The following PCCB variants were observed in gnomAD, a reference collection of about 807,000 sequenced individuals.
The protein encoded by PCCB is propionyl-CoA carboxylase subunit beta, also known as propionyl-CoA carboxylase beta chain, mitochondrial.
In PCCB, 43 loss-of-function variants were observed where a neutral mutation model predicts 60.7. That is an observed-to-expected ratio of 0.71 (90% CI 0.55 to 0.91). PCCB has a LOEUF of 0.91. Among genes scored for constraint, PCCB ranks in the 40% least tolerant of loss-of-function variants. PCCB has a pLI of 0.00. For synonymous variants in PCCB, 276 were observed against 255.9 expected (o/e 1.08, Z -0.75); for missense variants, 766 against 702.8 (o/e 1.09, Z -1.02).
intron 12 of PCCB, 134 bp downstream of exon 12, chr3:136,327,389 G>A: frequency 1.3e-6 from 1 of 773,690 alleles, no homozygotes; most frequent in East Asian, 2.6e-5. Flanking sequence ...TCTTGAGGAT[G>A]TTGTTCCCAG....
chr3:136,290,949 C>T (rs1933660514), intron 6 of PCCB, among the ~76,000 whole-genome samples: 1 of 151,662 alleles, frequency 6.6e-6, no homozygotes, highest in African/African-American at 2.4e-5. Context: ...CTTGAGATAT[C>T]CTCAAGCTCA....
intron 5 of PCCB, among the ~76,000 whole-genome samples, chr3:136,282,140 C>T (rs1170196307): frequency 6.6e-6 from 1 of 152,140 alleles, no homozygotes; most frequent in Non-Finnish European, 1.5e-5. Flanking sequence ...CCCAATCTGG[C>T]ACCAACTAGC....
In PCCB at chr3:136,317,057, G is replaced by A. The variant is rs1444326476; in HGVS notation, c.1083G>A (p.Val361=). Residue 361 remains valine, a synonymous_variant, in exon 10 of 15, where the codon GTG becomes GTA. Transcript: ENST00000251654. ...GAATTGTTGGCAACCAACCTAAGGT[G>A]GCCTCAGGTAGGATGGAGCTCTTAT... The part of the protein sequence containing the change: ...TVGIVGNQPK[V]ASGCLDINSS... The A allele has an allele frequency of 1.2e-6, 2 of 1,614,004 alleles. No homozygotes were observed. The highest frequency in any genetic ancestry group is 2.2e-5 in the South Asian group (2 of 91,080).
At chr3:136,275,182 G>A (rs1005113352) in intron 5 of PCCB, among the ~76,000 whole-genome samples, 12 of 152,068 alleles carry the variant, frequency 7.9e-5, no homozygotes, top group Non-Finnish European at 1.3e-4. Context: ...TTGTCTTGGA[G>A]CTCTGAAATT....
intron 6 of PCCB, among the ~76,000 whole-genome samples, chr3:136,287,839 C>T (rs1250337687): frequency 6.6e-6 from 1 of 152,108 alleles, no homozygotes; most frequent in Non-Finnish European, 1.5e-5. Context: ...AAACATTTTT[C>T]TATATGTGTC....
chr3:136,258,203 C>T (rs1350631586), intron 3 of PCCB, among the ~76,000 whole-genome samples: 6 of 152,144 alleles, frequency 3.9e-5, no homozygotes, highest in Admixed American at 3.9e-4. Flanking sequence ...TGGAAGAATT[C>T]ACTGAATTGA....
chr3:136,293,122 C>A (rs549490434), intron 6 of PCCB, among the ~76,000 whole-genome samples: 2 of 152,186 alleles, frequency 1.3e-5, no homozygotes, highest in African/African-American at 4.8e-5. Context: ...CCGCCTCACT[C>A]TCCTGAATAG....
At chr3:136,299,430 G>C (rs1386415340) in intron 8 of PCCB, among the ~76,000 whole-genome samples, 1 of 151,806 alleles carries the variant, frequency 6.6e-6, no homozygotes, top group Non-Finnish European at 1.5e-5. Context: ...GTATATGTAT[G>C]CTTATGTATA....
rs754752068 is a variant in PCCB, at chr3:136,262,006, G to T, written c.484G>T (p.Gly162Trp). Residue 162 changes from glycine (G) to tryptophan (W), a missense_variant, in exon 5 of 15, where the codon GGG (glycine) becomes TGG (tryptophan). Transcript: ENST00000251654. Reference sequence around the variant, plus strand: ...TCCAGTGATTGGGCTGAATGACTCTGGGGGAGCACGGATCCAAGAAGGAGT... The same window carrying T: ...TCCAGTGATTGGGCTGAATGACTCTTGGGGAGCACGGATCCAAGAAGGAGT... ...GAPVIGLNDS[G>W]GARIQEGVES... 6 of 1,561,732 alleles carry T rather than the reference G, an allele frequency of 3.8e-6. No homozygotes were observed. The Admixed American group carries it at 1.2e-4, about 30-fold the overall frequency.
chr3:136,268,087 G>GATATATATATATGT (rs1942066491), intron 5 of PCCB, among the ~76,000 whole-genome samples: 12 of 93,798 alleles, frequency 1.3e-4, no homozygotes, highest in African/African-American at 5.1e-4. Flanking sequence ...TGTGTGTGTA[G>GATATATATATATGT]ATATATATAT....
At chr3:136,256,190 A>G in intron 2 of PCCB, 1 of 635,202 alleles carries the variant, frequency 1.6e-6, no homozygotes, top group South Asian at 1.9e-5. Context: ...CAATCCACCC[A>G]CCTCGGACTC....
At chr3:136,300,323 G>A (rs1001679964) in intron 8 of PCCB, among the ~76,000 whole-genome samples, 1 of 152,166 alleles carries the variant, frequency 6.6e-6, no homozygotes, top group East Asian at 1.9e-4. Flanking sequence ...CCAGGAGTAC[G>A]TCTCAGGGTC....
chr3:136,323,223 C>G (rs1263883201), intron 10 of PCCB, among the ~76,000 whole-genome samples: 2 of 152,204 alleles, frequency 1.3e-5, no homozygotes, highest in East Asian at 1.9e-4. Flanking sequence ...GTGCTCTTAT[C>G]CTGTGTATGT....
chr3:136,301,119 C>T lies in PCCB; in HGVS notation c.966+8C>T. 2 of 1,605,092 alleles carry T rather than the reference C, an allele frequency of 1.2e-6. No homozygotes were observed. The highest frequency in any genetic ancestry group is 1.7e-6 in the Non-Finnish European group (2 of 1,171,648). Reference sequence around the variant, plus strand: ...GTGGACATCATACACTCTGTAAGTGCCACATCTGTTTGTCTTGCCTGTCCT... The same window carrying T: ...GTGGACATCATACACTCTGTAAGTGTCACATCTGTTTGTCTTGCCTGTCCT... On this transcript the variant is annotated splice_region_variant and intron_variant, in intron 9 of 14. Coordinates refer to ENST00000251654, the MANE Select transcript of PCCB (RefSeq NM_000532.5).
chr3:136,325,800 C>T (rs1304822441), intron 10 of PCCB, among the ~76,000 whole-genome samples: 2 of 151,792 alleles, frequency 1.3e-5, no homozygotes, highest in East Asian at 1.9e-4. Flanking sequence ...TGGGATAAAC[C>T]CCACTTGGAC....
At chr3:136,252,903 GTTTTGT>G (rs1941556010) in intron 1 of PCCB, among the ~76,000 whole-genome samples, 1 of 72,620 alleles carries the variant, frequency 1.4e-5, no homozygotes, top group Non-Finnish European at 2.9e-5. Context: ...CCTGTTTTTT[GTTTTGT>G]TTTTTTTTTT....
intron 9 of PCCB, among the ~76,000 whole-genome samples, chr3:136,312,365 T>C (rs956446581): frequency 6.6e-6 from 1 of 152,218 alleles, no homozygotes; most frequent in Admixed American, 6.5e-5. Flanking sequence ...ATGGTAAGTA[T>C]GTATCTAAAC....
chr3:136,292,084 T>A (rs1285510681), intron 6 of PCCB, among the ~76,000 whole-genome samples: 1 of 152,190 alleles, frequency 6.6e-6, no homozygotes, highest in Non-Finnish European at 1.5e-5. Context: ...TTTGGGGTGC[T>A]TTGTTCTGCA....
At chr3:136,260,184 C>T in intron 3 of PCCB, 2 of 462,990 alleles carry the variant, frequency 4.3e-6, no homozygotes, top group Non-Finnish European at 8.0e-6. Context: ...AGCAATCCTC[C>T]TGCCTCAGCC....
Sources: gnomAD v4.1 joint callset for allele counts (sites outside exome capture counted in the v4.1 genomes callset) on GRCh38, gnomAD v4.1.1 for gene constraint, MANE v1.5 for transcripts, NCBI Gene and HGNC (gene_info 2026-07-23, HGNC 2026-07-21) for gene names.